The following PHACTR1 variants were observed in gnomAD, a reference collection of about 807,000 sequenced individuals.
PHACTR1 encodes the protein RPEL repeat containing 1.
Under a neutral mutation model 69.2 loss-of-function variants are expected in PHACTR1, and 16 were observed. The observed-to-expected ratio is 0.23, with a 90% CI of 0.16 to 0.35. The LOEUF is 0.35. PHACTR1 is among the 10% of genes least tolerant of loss of function. PHACTR1 has a pLI of 1.00. For synonymous variants in PHACTR1, 312 were observed against 284.5 expected (o/e 1.10, Z -0.97); for missense variants, 510 against 734.7 (o/e 0.69, Z 3.54).
In PHACTR1 at chr6:12,845,434, C is replaced by G. The variant is rs1307525051; in HGVS notation, c.250+95644C>G. Among the ~76,000 whole-genome samples the G allele has an allele frequency of 5.3e-5, 3 of 56,476 alleles. 1 individual carries two copies. Among genetic ancestry groups the G allele is most frequent in the Non-Finnish European group, 9.3e-5 (2 of 21,598 alleles). The allele number at this position is 56,476 out of a possible 152,430, so 37.1% of individuals were successfully genotyped here. A position where few individuals can be genotyped will look rare whatever the true frequency, so the allele number is the denominator to read the frequency against. On this transcript the variant is annotated intron_variant, in intron 4 of 14. Transcript: ENST00000332995. Reference sequence around the variant, plus strand: ...TGTCATTGTGAACACCACCCACCCCCCCCCCCCCCGCCCTCCGTGCTGGGC... The same window carrying G: ...TGTCATTGTGAACACCACCCACCCCGCCCCCCCCCGCCCTCCGTGCTGGGC...
chr6:12,890,155 G>A lies in PHACTR1; in HGVS notation c.250+140365G>A, dbSNP rs115775658. On this transcript the variant is annotated intron_variant, in intron 4 of 14. Coordinates refer to ENST00000332995, the MANE Select transcript of PHACTR1 (RefSeq NM_030948.6). ...GAACGTGAACCCTATTGTGAACTGC[G>A]CACGTGAGGGATCTAGGTTGCACTC... Among the ~76,000 whole-genome samples the A allele has an allele frequency of 3.3e-3, 504 of 152,252 alleles. 4 individuals carry two copies. The highest frequency in any genetic ancestry group is 0.011 in the African/African-American group (470 of 41,536).
intron 4 of PHACTR1, among the ~76,000 whole-genome samples, chr6:12,808,839 C>G (rs559950523): frequency 3.3e-5 from 5 of 151,160 alleles, no homozygotes; most frequent in Non-Finnish European, 7.4e-5. Context: ...CCTCCCCCTC[C>G]TCCTCCTCCT....
intron 10 of PHACTR1, among the ~76,000 whole-genome samples, chr6:13,268,232 A>T (rs1228390474): frequency 6.6e-6 from 1 of 152,188 alleles, no homozygotes; most frequent in Non-Finnish European, 1.5e-5. Flanking sequence ...GTGCCACTGC[A>T]CTCCAGCGTG....
chr6:13,081,029 GATT>G (rs1435283049), intron 5 of PHACTR1, among the ~76,000 whole-genome samples: 11 of 152,116 alleles, frequency 7.2e-5, no homozygotes, highest in Non-Finnish European at 1.2e-4. Flanking sequence ...ATAACCAATG[GATT>G]ATTTTCTTCA....
chr6:12,781,210 G>A (rs1770776013), intron 4 of PHACTR1, among the ~76,000 whole-genome samples: 1 of 152,130 alleles, frequency 6.6e-6, no homozygotes, highest in Non-Finnish European at 1.5e-5. Context: ...GGCATCCCCT[G>A]CTGAGCTTCT....
chr6:12,803,057 C>T (rs1401997051), intron 4 of PHACTR1, among the ~76,000 whole-genome samples: 1 of 152,126 alleles, frequency 6.6e-6, no homozygotes, highest in Non-Finnish European at 1.5e-5. Context: ...TCCAGGCTGC[C>T]ATAACTTTTC....
At chr6:13,237,328 A>C (rs1772145110) in intron 10 of PHACTR1, among the ~76,000 whole-genome samples, 3 of 152,138 alleles carry the variant, frequency 2.0e-5, no homozygotes, top group Non-Finnish European at 4.4e-5. Flanking sequence ...AGTGAGCTAT[A>C]ATTGTGCCAC....
In PHACTR1 at chr6:13,246,173, A is replaced by C. The variant is rs202027; in HGVS notation, c.1391+15980A>C. On this transcript the variant is annotated intron_variant, in intron 10 of 14. Transcript: ENST00000332995. The surrounding 1 kb of genome is among the most constrained non-coding windows in gnomAD (Gnocchi z 4.2). ...TACTGGAATAAACAGGCCAGTTGTTAGTTAGCAACCATAACAACTCATATA... is the reference window on the plus strand; with the variant it reads ...TACTGGAATAAACAGGCCAGTTGTTCGTTAGCAACCATAACAACTCATATA... Among the ~76,000 whole-genome samples the C allele has an allele frequency of 9.9e-5, 15 of 152,280 alleles. No homozygotes were observed. Among genetic ancestry groups the C allele is most frequent in the African/African-American group, 3.4e-4 (14 of 41,574 alleles).
intron 4 of PHACTR1, among the ~76,000 whole-genome samples, chr6:12,853,062 C>T (rs547427757): frequency 1.3e-5 from 2 of 152,278 alleles, no homozygotes; most frequent in African/African-American, 2.4e-5. Context: ...CTTGAAGCAT[C>T]GATAATCCAG....
chr6:13,250,555 G>A (rs961749734), intron 10 of PHACTR1, among the ~76,000 whole-genome samples: 6 of 152,228 alleles, frequency 3.9e-5, no homozygotes, highest in South Asian at 2.1e-4. Context: ...GGGGCTGGCT[G>A]TGCAGACAGA....
At chr6:12,911,133 C>T (rs1312929433) in intron 4 of PHACTR1, among the ~76,000 whole-genome samples, 1 of 152,214 alleles carries the variant, frequency 6.6e-6, no homozygotes, top group Non-Finnish European at 1.5e-5. Context: ...AACTGGTGCT[C>T]AGGAAATCCC....
At chr6:13,082,139 T>C (rs1811491562) in intron 5 of PHACTR1, among the ~76,000 whole-genome samples, 1 of 152,136 alleles carries the variant, frequency 6.6e-6, no homozygotes, top group South Asian at 2.1e-4. Flanking sequence ...ACACTCCATG[T>C]TATTCTGCCT....
chr6:12,844,882 C>G (rs894511097), intron 4 of PHACTR1, among the ~76,000 whole-genome samples: 14 of 152,154 alleles, frequency 9.2e-5, no homozygotes, highest in Admixed American at 6.5e-5. Context: ...CCTGTCCCCT[C>G]TGCTTAGCCC....
intron 7 of PHACTR1, among the ~76,000 whole-genome samples, chr6:13,193,382 T>TATATATATATATATATATATATATATAG: frequency 7.3e-6 from 1 of 137,186 alleles, no homozygotes; most frequent in Admixed American, 7.5e-5. Context: ...TATATATATA[T>TATATATATATATATATATATATATATAG]ATAGTTTTGG....
intron 7 of PHACTR1, among the ~76,000 whole-genome samples, chr6:13,200,167 C>G (rs1205484569): frequency 1.3e-5 from 2 of 152,204 alleles, no homozygotes; most frequent in African/African-American, 4.8e-5. Flanking sequence ...ATTTAGCACC[C>G]TGAGCCAGTG....
At chr6:12,933,994 C>T (rs1789170652) in intron 4 of PHACTR1, 10 of 1,507,252 alleles carry the variant, frequency 6.6e-6, no homozygotes, top group African/African-American at 2.8e-5. Flanking sequence ...AACTACATGA[C>T]ATAAAACAAT....
chr6:13,089,761 G>C (rs1812920513), intron 5 of PHACTR1, among the ~76,000 whole-genome samples: 1 of 152,178 alleles, frequency 6.6e-6, no homozygotes, highest in African/African-American at 2.4e-5. Flanking sequence ...TCCTGAATGG[G>C]CTGACACATT....
intron 4 of PHACTR1, among the ~76,000 whole-genome samples, chr6:12,855,818 T>A (rs557282346): frequency 1.3e-5 from 2 of 152,268 alleles, no homozygotes; most frequent in African/African-American, 4.8e-5. Flanking sequence ...TTAAAAAAAT[T>A]AAAATAAAAA....
chr6:12,807,296 A>AT (rs1214988850), intron 4 of PHACTR1, among the ~76,000 whole-genome samples: 4 of 152,192 alleles, frequency 2.6e-5, no homozygotes, highest in African/African-American at 9.7e-5. Flanking sequence ...TCTAAAATGG[A>AT]TTTTTTGTTT....
Sources: allele counts gnomAD v4.1 joint callset (sites outside exome capture counted in the v4.1 genomes callset), GRCh38; gene constraint gnomAD v4.1.1; non-coding constraint Gnocchi (gnomAD v3.1); transcripts MANE v1.5; gene names NCBI Gene and HGNC (gene_info 2026-07-23, HGNC 2026-07-21).